ANO1: variants seen among roughly 807,000 people sequenced by gnomAD.
ANO1 encodes anoctamin-1.
In ANO1, 59 loss-of-function variants were observed where a neutral mutation model predicts 124.0. The ratio of observed to expected loss-of-function variants is 0.48; its 90% CI spans 0.39 to 0.59. ANO1 has a LOEUF of 0.59. Ranked by LOEUF, ANO1 falls within the 20% of genes least tolerant of loss-of-function variation. ANO1 has a pLI of 0.00. For missense variants in ANO1, 1,059 were observed against 1,328.0 expected, an observed-to-expected ratio of 0.80 and a Z score of 3.15; for synonymous variants, 529 against 532.0, an observed-to-expected ratio of 0.99 and a Z score of 0.08.
upstream of ANO1, among the ~76,000 whole-genome samples, chr11:69,983,344 G>T (rs758305707): frequency 1.3e-5 from 2 of 151,974 alleles, no homozygotes; most frequent in Admixed American, 1.3e-4. Context: ...TCGCCGCCTC[G>T]CCAAAAAGGG....
chr11:70,085,390 C>T (rs1028168619), intron 1 of ANO1: 2 of 1,473,842 alleles, frequency 1.4e-6, no homozygotes, highest in Non-Finnish European at 1.8e-6. Context: ...CAGACTTTGT[C>T]ACAGAGGGCA....
chr11:70,058,989 C>T (rs1408139260), intron 1 of ANO1, among the ~76,000 whole-genome samples: 1 of 151,760 alleles, frequency 6.6e-6, no homozygotes, highest in African/African-American at 2.4e-5. Context: ...CAAGACCATC[C>T]TGGCTAACAC....
chr11:70,090,209 G>A (rs2044573095), intron 2 of ANO1, among the ~76,000 whole-genome samples: 1 of 152,088 alleles, frequency 6.6e-6, no homozygotes, highest in African/African-American at 2.4e-5. Flanking sequence ...GGGTTTCACT[G>A]TGTTAGCCAG....
chr11:70,074,053 G>A (rs913881606), upstream of ANO1, among the ~76,000 whole-genome samples: 2 of 152,062 alleles, frequency 1.3e-5, no homozygotes, highest in Non-Finnish European at 2.9e-5. Context: ...CGTCTTCCCC[G>A]GGGTAATTAT....
rs528241365 is a variant in ANO1, at chr11:70,158,879, G to C, written c.1578+1858G>C. On this transcript the variant is annotated intron_variant, in intron 16 of 25. Transcript: ENST00000355303. ...GGGGGCTGGGGGCTGTTGTGCTCTCGGTGACTTGGTGGGAGGGCACCCGGC... is the reference window on the plus strand; with the variant it reads ...GGGGGCTGGGGGCTGTTGTGCTCTCCGTGACTTGGTGGGAGGGCACCCGGC... Among the ~76,000 whole-genome samples, 4 of 152,018 alleles carry C rather than the reference G, an allele frequency of 2.6e-5. No individual in the cohort carries two copies. In the South Asian group the frequency reaches 8.3e-4, roughly 32 times the overall value.
chr11:70,032,273 G>A (rs1350411287), intron 1 of ANO1, among the ~76,000 whole-genome samples: 3 of 152,148 alleles, frequency 2.0e-5, no homozygotes, highest in Admixed American at 6.5e-5. Flanking sequence ...CATTGTGGAC[G>A]GACTGCAGGC....
chr11:70,038,587 G>A (rs1857131278), intron 1 of ANO1, among the ~76,000 whole-genome samples: 1 of 152,070 alleles, frequency 6.6e-6, no homozygotes, highest in Admixed American at 6.6e-5. Flanking sequence ...GCCATACAGG[G>A]ACTCTGTTTC....
At chr11:70,023,871 G>GT (rs1296148773) in intron 1 of ANO1, among the ~76,000 whole-genome samples, 1 of 152,220 alleles carries the variant, frequency 6.6e-6, no homozygotes, top group Non-Finnish European at 1.5e-5. Context: ...TAGTTGCTCT[G>GT]TGCTTTACAT....
intron 1 of ANO1, among the ~76,000 whole-genome samples, chr11:70,048,517 G>A (rs1324960115): frequency 1.3e-5 from 2 of 152,068 alleles, no homozygotes; most frequent in African/African-American, 4.8e-5. Context: ...TTGAAGTTCA[G>A]AAAATCCAAA....
At position 70,011,056 on chromosome 11, in the gene ANO1, G is replaced by T. The variant is rs140101223; in HGVS notation, c.58+24890G>T. Among the ~76,000 whole-genome samples, 322 of 152,306 alleles carry T rather than the reference G, an allele frequency of 2.1e-3. 1 individual carries two copies. Among genetic ancestry groups the T allele is most frequent in the African/African-American group, 7.1e-3 (297 of 41,574 alleles). ...ATGTGCCCAGTGCCATGATTTGGTT[G>T]GGGGAGAGTCTGACATGATATGTAG... On this transcript the variant is annotated intron_variant, in intron 1 of 27. Transcript: ENST00000531349.
At chr11:70,095,309 A>AAGGAAGGAAGG (rs1396550985) in intron 2 of ANO1, among the ~76,000 whole-genome samples, 4 of 130,822 alleles carry the variant, frequency 3.1e-5, no homozygotes, top group East Asian at 2.3e-4. Context: ...GGAAAGAAAG[A>AAGGAAGGAAGG]AAGAAAGAAA....
At chr11:70,174,489 G>A (rs1200252298) in intron 22 of ANO1, among the ~76,000 whole-genome samples, 1 of 152,170 alleles carries the variant, frequency 6.6e-6, no homozygotes, top group Admixed American at 6.5e-5. Flanking sequence ...TTGCACACCC[G>A]CTCTCAAGAG....
chr11:70,025,687 CGATGATGATGGTGGTGGTGATGGT>C (rs1565163603), intron 1 of ANO1, among the ~76,000 whole-genome samples: 12 of 81,784 alleles, frequency 1.5e-4, no homozygotes, highest in Admixed American at 2.4e-4. Flanking sequence ...GTGGTGGTGA[CGATGATGATGGTGGTGGTGATGGT>C]GATGATGATG....
intron 15 of ANO1, among the ~76,000 whole-genome samples, chr11:70,156,332 G>C (rs991012682): frequency 3.3e-5 from 5 of 152,164 alleles, no homozygotes; most frequent in African/African-American, 7.2e-5. Flanking sequence ...TCTGCATTCT[G>C]TGACCTAATA....
At chr11:70,004,846 C>T (rs1366712572) in intron 1 of ANO1, among the ~76,000 whole-genome samples, 3 of 152,168 alleles carry the variant, frequency 2.0e-5, no homozygotes, top group African/African-American at 7.2e-5. Context: ...GGCGCTGTGG[C>T]TCACACCTGT....
chr11:70,091,719 C>G (rs2135258849), intron 2 of ANO1, among the ~76,000 whole-genome samples: 1 of 152,288 alleles, frequency 6.6e-6, no homozygotes, highest in South Asian at 2.1e-4. Context: ...CAGGTGTGAC[C>G]TGGCCTTTGT....
At chr11:70,182,250 G>T (rs2048955178) in intron 23 of ANO1, among the ~76,000 whole-genome samples, 1 of 152,276 alleles carries the variant, frequency 6.6e-6, no homozygotes, top group Non-Finnish European at 1.5e-5. Flanking sequence ...CGTCTGCCTG[G>T]TGCCTTCTCT....
intron 8 of ANO1, among the ~76,000 whole-genome samples, chr11:70,120,042 G>A (rs139809367): frequency 7.9e-5 from 12 of 152,196 alleles, no homozygotes; most frequent in Non-Finnish European, 1.2e-4. Context: ...TTGCCTTTCC[G>A]GTGACAGACT....
chr11:70,088,613 T>C (rs2044494140), intron 2 of ANO1, among the ~76,000 whole-genome samples: 1 of 152,136 alleles, frequency 6.6e-6, no homozygotes, highest in South Asian at 2.1e-4. Context: ...TAGGGAGCCC[T>C]GACCTGCTCC....
Sources: allele counts gnomAD v4.1 joint callset (sites outside exome capture counted in the v4.1 genomes callset), GRCh38; gene constraint gnomAD v4.1.1; transcripts MANE v1.5; gene names NCBI Gene and HGNC (gene_info 2026-07-23, HGNC 2026-07-21).